NDST4: variants seen among roughly 807,000 people sequenced by gnomAD.
NDST4 encodes N-heparan sulfate sulfotransferase 4.
NDST4 carries 63 observed loss-of-function variants against 100.8 expected under a neutral mutation model. That is an observed-to-expected ratio of 0.62 (90% CI 0.51 to 0.77). The LOEUF is 0.77. NDST4 is among the 30% of genes least tolerant of loss of function. The probability of loss-of-function intolerance (pLI) is 0.00; values close to 1 mark genes in which losing one functional copy is unlikely to be tolerated. For synonymous variants in NDST4, 377 were observed against 361.8 expected (o/e 1.04, Z -0.48); for missense variants, 943 against 1,018.4 (o/e 0.93, Z 1.01).
intron 7 of NDST4, among the ~76,000 whole-genome samples, chr4:114,861,176 C>T (rs1374073085): frequency 6.6e-6 from 1 of 152,176 alleles, no homozygotes; most frequent in Admixed American, 6.5e-5. Context: ...CTAGCTTAAG[C>T]TAATATCTAC....
intron 4 of NDST4, among the ~76,000 whole-genome samples, chr4:114,948,649 A>G (rs546442939): frequency 6.6e-6 from 1 of 152,210 alleles, no homozygotes; most frequent in African/African-American, 2.4e-5. Context: ...TCCCCAAACA[A>G]GTTTACAGTA....
intron 11 of NDST4, among the ~76,000 whole-genome samples, chr4:114,834,513 CAAA>C (rs869097688): frequency 0.02 from 1,290 of 63,820 alleles, 14 homozygotes; most frequent in African/African-American, 0.056. Context: ...GACTCCATCT[CAAA>C]AAAAAAAAAA....
intron 4 of NDST4, among the ~76,000 whole-genome samples, chr4:114,951,216 T>A (rs1246661841): frequency 6.6e-6 from 1 of 152,092 alleles, no homozygotes; most frequent in Non-Finnish European, 1.5e-5. Context: ...AACACTTTAA[T>A]TAATTTTTTC....
chr4:115,092,205 G>A (rs1729533540), intron 1 of NDST4, among the ~76,000 whole-genome samples: 1 of 152,102 alleles, frequency 6.6e-6, no homozygotes, highest in South Asian at 2.1e-4. Flanking sequence ...AACTATGGAT[G>A]TAGGTGAAGA....
At chr4:114,862,355 A>G (rs1238697598) in intron 7 of NDST4, among the ~76,000 whole-genome samples, 2 of 152,128 alleles carry the variant, frequency 1.3e-5, no homozygotes, top group African/African-American at 4.8e-5. Context: ...TTTATAAAGA[A>G]CTTCATTTCT....
intron 2 of NDST4, among the ~76,000 whole-genome samples, chr4:115,010,622 C>A (rs1380209731): frequency 7.6e-6 from 1 of 131,376 alleles, no homozygotes; most frequent in Admixed American, 7.7e-5. Context: ...ACCAGCATGG[C>A]ACATGTATAC....
intron 2 of NDST4, among the ~76,000 whole-genome samples, chr4:115,046,894 A>C (rs1445454904): frequency 6.6e-6 from 1 of 152,132 alleles, no homozygotes; most frequent in Non-Finnish European, 1.5e-5. Context: ...ATTAACTCTT[A>C]AAAATGACTT....
At chr4:114,984,387 CAG>C (rs1164538084) in intron 2 of NDST4, among the ~76,000 whole-genome samples, 2 of 146,560 alleles carry the variant, frequency 1.4e-5, no homozygotes, top group African/African-American at 5.2e-5. Flanking sequence ...CCATATTGGC[CAG>C]GCTGATCTCG....
chr4:114,839,332 G>T (rs1455878808), intron 11 of NDST4, 46 bp downstream of exon 11: 3 of 1,508,220 alleles, frequency 2.0e-6, no homozygotes, highest in African/African-American at 2.8e-5. Context: ...AAAATTTCAG[G>T]ACATTATAAT....
At chr4:114,853,855 T>A (rs934348727) in intron 7 of NDST4, among the ~76,000 whole-genome samples, 1 of 152,186 alleles carries the variant, frequency 6.6e-6, no homozygotes, top group Non-Finnish European at 1.5e-5. Flanking sequence ...AGTGGGTATA[T>A]ACATTTTTGA....
chr4:114,990,847 T>C (rs1339542396), intron 2 of NDST4, among the ~76,000 whole-genome samples: 1 of 152,054 alleles, frequency 6.6e-6, no homozygotes, highest in African/African-American at 2.4e-5. Context: ...TTGATTCTGC[T>C]CAAATTTAAC....
chr4:114,909,745 T>G (rs1263325913), intron 6 of NDST4, among the ~76,000 whole-genome samples: 1 of 151,668 alleles, frequency 6.6e-6, no homozygotes, highest in Non-Finnish European at 1.5e-5. Context: ...ATTTATAAAT[T>G]AAGATATCAT....
intron 2 of NDST4, among the ~76,000 whole-genome samples, chr4:114,978,329 CCTAA>C (rs1049701028): frequency 1.3e-4 from 19 of 151,786 alleles, no homozygotes; most frequent in Admixed American, 3.3e-4. Context: ...GACTTGTGAA[CCTAA>C]CTGTTTATTC....
chr4:115,087,571 A>T (rs1376719184), intron 1 of NDST4, among the ~76,000 whole-genome samples: 1 of 151,642 alleles, frequency 6.6e-6, no homozygotes, highest in Non-Finnish European at 1.5e-5. Flanking sequence ...ATGCTAATGG[A>T]GTTCATGTGA....
At chr4:114,906,027 G>T (rs1724941435) in intron 6 of NDST4, among the ~76,000 whole-genome samples, 1 of 151,970 alleles carries the variant, frequency 6.6e-6, no homozygotes, top group Admixed American at 6.6e-5. Context: ...CGAGGAAGTG[G>T]TGGAACGGCA....
At chr4:115,079,080 G>A (rs766810943) in intron 1 of NDST4, among the ~76,000 whole-genome samples, 7 of 151,744 alleles carry the variant, frequency 4.6e-5, no homozygotes, top group African/African-American at 1.7e-4. Flanking sequence ...CTACAGGCAC[G>A]GTGGCTCAGG....
At chr4:115,019,016 T>A (rs900357363) in intron 2 of NDST4, among the ~76,000 whole-genome samples, 3 of 152,062 alleles carry the variant, frequency 2.0e-5, no homozygotes, top group Non-Finnish European at 4.4e-5. Flanking sequence ...TCTCTCATTA[T>A]CAAATCATCT....
intron 12 of NDST4, among the ~76,000 whole-genome samples, chr4:114,831,053 T>C (rs2126179417): frequency 6.8e-6 from 1 of 146,962 alleles, no homozygotes; most frequent in African/African-American, 2.5e-5. Flanking sequence ...TGGACTTTTC[T>C]TTTTTTTTTT....
intron 2 of NDST4, among the ~76,000 whole-genome samples, chr4:115,049,405 C>G (rs1434130394): frequency 2.0e-5 from 3 of 151,940 alleles, no homozygotes; most frequent in Non-Finnish European, 4.4e-5. Context: ...AAACTATGCC[C>G]TTGCTAGAAA....
Sources: gnomAD v4.1 joint callset for allele counts (sites outside exome capture counted in the v4.1 genomes callset) on GRCh38, gnomAD v4.1.1 for gene constraint, MANE v1.5 for transcripts, NCBI Gene and HGNC (gene_info 2026-07-23, HGNC 2026-07-21) for gene names.